Variants in ZNG1C observed in about 807,000 individuals in gnomAD.
ZNG1C encodes the protein zinc-regulated GTPase metalloprotein activator 1C.
At chr9:68,298,822 G>C in the ZNG1C span, 1 of 494,004 alleles carries the variant, frequency 2.0e-6, no homozygotes, top group East Asian at 3.0e-5. Flanking sequence ...ACAAATAATT[G>C]GAATTAAGTA....
At chr9:68,276,367 G>A in the ZNG1C span, among the ~76,000 whole-genome samples, 108 of 125,570 alleles carry the variant, frequency 8.6e-4, 1 homozygote, top group South Asian at 0.012. Context: ...TTTTAGACAT[G>A]AAGTCCTTGC....
At chr9:68,286,571 C>T in the ZNG1C span, among the ~76,000 whole-genome samples, 180 of 136,756 alleles carry the variant, frequency 1.3e-3, no homozygotes, top group African/African-American at 4.9e-3. Flanking sequence ...TTTACTGTAC[C>T]TGCGTTTCTG....
the ZNG1C span, chr9:68,269,093 A>G: frequency 1.4e-6 from 2 of 1,379,912 alleles, no homozygotes; most frequent in Middle Eastern, 2.6e-4. Context: ...AAGTGCATTT[A>G]AAAAGATTTG....
At chr9:68,288,376 T>C in the ZNG1C span, among the ~76,000 whole-genome samples, 1 of 152,230 alleles carries the variant, frequency 6.6e-6, no homozygotes, top group Admixed American at 6.5e-5. Context: ...TGTTTGTTTG[T>C]TTTGGTTTTG....
chr9:68,254,456 C>A, the ZNG1C span: 1 of 150,342 alleles, frequency 6.7e-6, no homozygotes, highest in Non-Finnish European at 1.5e-5. Context: ...ATTTTGTGTT[C>A]TTTCTTGCTT....
chr9:68,252,038 TG>T, the ZNG1C span, among the ~76,000 whole-genome samples: 2 of 9,324 alleles, frequency 2.1e-4, no homozygotes, highest in Non-Finnish European at 5.7e-4. Context: ...TCACAGCTCT[TG>T]GGTGATCAGG....
the ZNG1C span, chr9:68,298,758 A>G: frequency 2.4e-6 from 2 of 844,480 alleles, no homozygotes; most frequent in Non-Finnish European, 3.3e-6. Context: ...AAAAAAATCA[A>G]TACACAGAAA....
chr9:68,271,319 T>C, the ZNG1C span, among the ~76,000 whole-genome samples: 1 of 29,406 alleles, frequency 3.4e-5, no homozygotes, highest in South Asian at 9.8e-4. Flanking sequence ...TGCTATGCAT[T>C]TCATAGCATT....
At chr9:68,268,559 G>T in the ZNG1C span, among the ~76,000 whole-genome samples, 1 of 151,980 alleles carries the variant, frequency 6.6e-6, no homozygotes, top group African/African-American at 2.4e-5. Context: ...GAGGAAAAAA[G>T]TGACCACCGT....
the ZNG1C span, among the ~76,000 whole-genome samples, chr9:68,287,664 C>T: frequency 6.6e-6 from 1 of 152,300 alleles, no homozygotes; most frequent in Non-Finnish European, 1.5e-5. Context: ...AAATTCCAGA[C>T]ATTATGTCAC....
chr9:68,256,209 G>A, the ZNG1C span, among the ~76,000 whole-genome samples: 2 of 150,250 alleles, frequency 1.3e-5, no homozygotes, highest in South Asian at 4.2e-4. Context: ...GGCCTGTGAT[G>A]CTTTCAAAAA....
chr9:68,286,587 C>CAG, the ZNG1C span, among the ~76,000 whole-genome samples: 1 of 143,224 alleles, frequency 7.0e-6, no homozygotes, highest in African/African-American at 2.7e-5. Context: ...TTCTGTTAAG[C>CAG]AGATCATAGA....
chr9:68,259,731 G>A, the ZNG1C span, among the ~76,000 whole-genome samples: 1 of 152,166 alleles, frequency 6.6e-6, no homozygotes, highest in Non-Finnish European at 1.5e-5. Flanking sequence ...GCCTGGTCAT[G>A]AACTCCTGAC....
At chr9:68,293,976 A>G in the ZNG1C span, among the ~76,000 whole-genome samples, 10 of 149,458 alleles carry the variant, frequency 6.7e-5, no homozygotes, top group African/African-American at 2.2e-4. Flanking sequence ...TTAAAATTAT[A>G]TCAAGCACTT....
chr9:68,297,302 A>T, the ZNG1C span, among the ~76,000 whole-genome samples: 2 of 135,088 alleles, frequency 1.5e-5, no homozygotes, highest in Admixed American at 1.5e-4. Flanking sequence ...TGAATTAAAT[A>T]ATGAGGACCC....
chr9:68,288,647 ATTTTTTTTTTT>A, the ZNG1C span, among the ~76,000 whole-genome samples: 19 of 56,948 alleles, frequency 3.3e-4, no homozygotes, highest in South Asian at 2.1e-3. Flanking sequence ...TAATTTTTGT[ATTTTTTTTTTT>A]TTTTTTTTTT....
At chr9:68,279,683 A>G in the ZNG1C span, among the ~76,000 whole-genome samples, 2 of 56,376 alleles carry the variant, frequency 3.5e-5, no homozygotes, top group Middle Eastern at 8.5e-3. Context: ...ATCCGCTGTT[A>G]GTCTGATGGG....
At chr9:68,269,736 C>G in the ZNG1C span, 5 of 680,746 alleles carry the variant, frequency 7.3e-6, no homozygotes, top group Non-Finnish European at 8.1e-6. Flanking sequence ...AGTGGCTTGT[C>G]TGCTATGGCA....
At chr9:68,276,156 C>G in the ZNG1C span, among the ~76,000 whole-genome samples, 21 of 132,428 alleles carry the variant, frequency 1.6e-4, no homozygotes, top group East Asian at 6.1e-4. Flanking sequence ...GGGTGGTTTG[C>G]TTTTTTCTTG....
Sources: gnomAD v4.1 joint callset for allele counts (sites outside exome capture counted in the v4.1 genomes callset) on GRCh38, gnomAD v4.1.1 for gene constraint, MANE v1.5 for transcripts, NCBI Gene and HGNC (gene_info 2026-07-23, HGNC 2026-07-21) for gene names.